Variants in TMCC1 observed in about 807,000 individuals in gnomAD.
TMCC1 encodes the protein transmembrane and coiled-coil domain family 1, also known as transmembrane and coiled-coil domains protein 1.
Under a neutral mutation model 52.4 loss-of-function variants are expected in TMCC1, and 15 were observed. That is an observed-to-expected ratio of 0.29 (90% CI 0.19 to 0.44). The LOEUF is 0.44. TMCC1 is among the 20% of genes least tolerant of loss of function. TMCC1 has a pLI of 1.00. For synonymous variants in TMCC1, 279 were observed against 301.9 expected (o/e 0.92, Z 0.79); for missense variants, 503 against 806.0 (o/e 0.62, Z 4.55).
At chr3:129,694,295 T>C (rs191260539) in intron 4 of TMCC1, among the ~76,000 whole-genome samples, 10 of 152,380 alleles carry the variant, frequency 6.6e-5, no homozygotes, top group Admixed American at 2.0e-4. Flanking sequence ...TGCTCAAAAC[T>C]GTATGGCTCT....
chr3:129,879,059 C>T (rs72989356), intron 2 of TMCC1, among the ~76,000 whole-genome samples: 14,759 of 152,188 alleles, frequency 0.097, 849 homozygotes, highest in Middle Eastern at 0.16. Context: ...TCAACCCCTT[C>T]CCCTCAATAC....
rs867161225 is a variant in TMCC1, at chr3:129,761,200, C to T, written c.576+66603G>A. 8.1e-4 allele frequency among the ~76,000 whole-genome samples: 123 copies of T among 152,022 alleles called. No homozygotes were observed. In the Middle Eastern group the frequency reaches 0.017, roughly 21 times the overall value. ...AAAATTGGCCGGGCGTAGTGGCAGG[C>T]GCCTGTGGTCCCAGCTACTCGGGAG... On this transcript the variant is annotated intron_variant, in intron 4 of 6. Transcript: ENST00000393238.
chr3:129,759,371 G>A (rs1023995372), intron 4 of TMCC1, among the ~76,000 whole-genome samples: 4 of 150,320 alleles, frequency 2.7e-5, no homozygotes, highest in East Asian at 4.0e-4. Context: ...GGTTTCAAGC[G>A]ATTCTCCTGC....
intron 6 of TMCC1, among the ~76,000 whole-genome samples, chr3:129,653,825 G>A (rs919382569): frequency 5.9e-5 from 9 of 151,684 alleles, no homozygotes; most frequent in East Asian, 5.8e-4. Context: ...ATTCTGTATC[G>A]CTCAATTACT....
intron 4 of TMCC1, among the ~76,000 whole-genome samples, chr3:129,743,444 C>T (rs1481660320): frequency 1.3e-5 from 2 of 152,156 alleles, no homozygotes; most frequent in Admixed American, 6.5e-5. Flanking sequence ...ATCTGTACTC[C>T]ATGGTATCGC....
intron 2 of TMCC1, among the ~76,000 whole-genome samples, chr3:129,856,125 G>A (rs965052032): frequency 8.5e-5 from 13 of 152,158 alleles, no homozygotes; most frequent in African/African-American, 7.2e-5. Flanking sequence ...GCAACTTTCC[G>A]TGAATCTACA....
chr3:129,776,967 T>G (rs1013949986), intron 4 of TMCC1, among the ~76,000 whole-genome samples: 3 of 152,132 alleles, frequency 2.0e-5, no homozygotes, highest in African/African-American at 7.2e-5. Context: ...CAGCTTGGCA[T>G]TAAGGAAAAG....
At chr3:129,819,361 G>A (rs2058298753) in intron 4 of TMCC1, among the ~76,000 whole-genome samples, 1 of 152,154 alleles carries the variant, frequency 6.6e-6, no homozygotes, top group Admixed American at 6.5e-5. Flanking sequence ...GGGATTACAG[G>A]TGTGAAGGGT....
chr3:129,890,040 C>T (rs1477123379), intron 1 of TMCC1, among the ~76,000 whole-genome samples: 1 of 152,002 alleles, frequency 6.6e-6, no homozygotes, highest in African/African-American at 2.4e-5. Flanking sequence ...AAACCCAGCA[C>T]TTTTGGAGGC....
At chr3:129,814,857 A>G (rs1047335596) in intron 4 of TMCC1, among the ~76,000 whole-genome samples, 11 of 152,176 alleles carry the variant, frequency 7.2e-5, no homozygotes, top group African/African-American at 2.4e-4. Flanking sequence ...CGATGTAACA[A>G]TTATAAGTAT....
intron 4 of TMCC1, chr3:129,688,687 C>T (rs540335842): frequency 9.1e-5 from 90 of 985,440 alleles, no homozygotes; most frequent in Middle Eastern, 5.2e-4. Context: ...AACAAGCATC[C>T]GTGTGTGTGC....
intron 2 of TMCC1, among the ~76,000 whole-genome samples, chr3:129,879,061 C>T (rs2061349139): frequency 6.6e-6 from 1 of 152,170 alleles, no homozygotes; most frequent in African/African-American, 2.4e-5. Context: ...AACCCCTTCC[C>T]CTCAATACAT....
At chr3:129,671,526 A>C (rs1296405686) in intron 4 of TMCC1, among the ~76,000 whole-genome samples, 1 of 152,244 alleles carries the variant, frequency 6.6e-6, no homozygotes, top group Non-Finnish European at 1.5e-5. Flanking sequence ...AGGATTTTTC[A>C]GTGTTTCTTC....
chr3:129,682,565 A>C (rs1458652492), intron 4 of TMCC1, among the ~76,000 whole-genome samples: 1 of 152,152 alleles, frequency 6.6e-6, no homozygotes, highest in Non-Finnish European at 1.5e-5. Context: ...TGTAGATTTA[A>C]CTGTGATACC....
At chr3:129,758,758 T>C (rs1402479841) in intron 4 of TMCC1, among the ~76,000 whole-genome samples, 2 of 152,218 alleles carry the variant, frequency 1.3e-5, no homozygotes, top group Non-Finnish European at 2.9e-5. Flanking sequence ...ATTCACATTG[T>C]GCAAACAGAG....
At chr3:129,653,363 A>G (rs1419694125) in intron 6 of TMCC1, among the ~76,000 whole-genome samples, 1 of 152,256 alleles carries the variant, frequency 6.6e-6, no homozygotes, top group Admixed American at 6.5e-5. Context: ...TGCCTTCTTA[A>G]GAAGGGCACA....
chr3:129,687,895 A>G (rs1317542621), intron 4 of TMCC1, among the ~76,000 whole-genome samples: 1 of 152,234 alleles, frequency 6.6e-6, no homozygotes, highest in Non-Finnish European at 1.5e-5. Context: ...AAGCATAATT[A>G]TGACTATTCA....
intron 4 of TMCC1, among the ~76,000 whole-genome samples, chr3:129,671,870 G>A (rs1560156863): frequency 1.3e-5 from 2 of 152,176 alleles, no homozygotes; most frequent in Non-Finnish European, 2.9e-5. Flanking sequence ...GATGGTTGGA[G>A]GCAAGATGGG....
intron 4 of TMCC1, among the ~76,000 whole-genome samples, chr3:129,816,763 C>T (rs190303832): frequency 6.6e-6 from 1 of 152,262 alleles, no homozygotes; most frequent in Non-Finnish European, 1.5e-5. Flanking sequence ...ATGGCTCATG[C>T]TTGTAATCCT....
Sources: allele counts gnomAD v4.1 joint callset (sites outside exome capture counted in the v4.1 genomes callset), GRCh38; gene constraint gnomAD v4.1.1; transcripts MANE v1.5; gene names NCBI Gene and HGNC (gene_info 2026-07-23, HGNC 2026-07-21).